The following CAMK1D variants were observed in gnomAD, a reference collection of about 807,000 sequenced individuals.
CAMK1D encodes calcium/calmodulin dependent protein kinase ID.
In CAMK1D, 9 loss-of-function variants were observed where a neutral mutation model predicts 47.7. That is an observed-to-expected ratio of 0.19 (90% CI 0.11 to 0.33). CAMK1D has a LOEUF of 0.33. CAMK1D is among the 10% of genes least tolerant of loss of function. The pLI is 1.00. For synonymous variants in CAMK1D, 184 were observed against 184.9 expected (o/e 0.99, Z 0.04); for missense variants, 291 against 488.7 (o/e 0.60, Z 3.81).
At chr10:12,673,452 G>T (rs1235254565) in intron 3 of CAMK1D, among the ~76,000 whole-genome samples, 1 of 152,012 alleles carries the variant, frequency 6.6e-6, no homozygotes, top group Non-Finnish European at 1.5e-5. Flanking sequence ...GCTGCTGCTA[G>T]CATATAAAAA....
At chr10:12,351,803 C>A (rs1223452747) in intron 1 of CAMK1D, among the ~76,000 whole-genome samples, 1 of 152,204 alleles carries the variant, frequency 6.6e-6, no homozygotes. Flanking sequence ...CAGCCATGTT[C>A]CCTGTGAGCT....
intron 1 of CAMK1D, among the ~76,000 whole-genome samples, chr10:12,367,709 C>G (rs1375862975): frequency 6.6e-6 from 1 of 152,036 alleles, no homozygotes; most frequent in East Asian, 1.9e-4. Context: ...TGATGAGACT[C>G]TAATGCCACC....
intron 2 of CAMK1D, among the ~76,000 whole-genome samples, chr10:12,555,522 G>A (rs1346281540): frequency 2.6e-5 from 4 of 152,232 alleles, no homozygotes; most frequent in Non-Finnish European, 4.4e-5. Context: ...GTATGGAAGA[G>A]AATCTGGGAA....
intron 2 of CAMK1D, among the ~76,000 whole-genome samples, chr10:12,569,635 C>T (rs1837256107): frequency 2.2e-5 from 3 of 138,428 alleles, no homozygotes; most frequent in South Asian, 4.6e-4. Context: ...AGGAGAATGG[C>T]GTGAACCCGG....
At chr10:12,368,151 C>T (rs1038890580) in intron 1 of CAMK1D, among the ~76,000 whole-genome samples, 3 of 151,078 alleles carry the variant, frequency 2.0e-5, no homozygotes, top group African/African-American at 7.3e-5. Flanking sequence ...GAGATTGCGC[C>T]ACTGCAGTCC....
intron 4 of CAMK1D, among the ~76,000 whole-genome samples, chr10:12,762,826 C>G (rs899127985): frequency 6.6e-5 from 10 of 152,222 alleles, no homozygotes; most frequent in Non-Finnish European, 4.4e-5. Flanking sequence ...CCTGGCACCT[C>G]TGCCAGGCCT....
intron 1 of CAMK1D, among the ~76,000 whole-genome samples, chr10:12,550,915 C>T (rs1836556005): frequency 6.6e-6 from 1 of 152,190 alleles, no homozygotes; most frequent in South Asian, 2.1e-4. Context: ...AAGTGAATTC[C>T]TCTCACTGGA....
At chr10:12,777,625 CGGCCTCCCAGA>C (rs1044091323) in intron 5 of CAMK1D, among the ~76,000 whole-genome samples, 8 of 152,248 alleles carry the variant, frequency 5.3e-5, no homozygotes, top group African/African-American at 1.9e-4. Flanking sequence ...CCACCTGTCT[CGGCCTCCCAGA>C]GTGCTGGGAT....
At chr10:12,379,941 G>A (rs1838292288) in intron 1 of CAMK1D, among the ~76,000 whole-genome samples, 2 of 151,906 alleles carry the variant, frequency 1.3e-5, no homozygotes, top group South Asian at 2.1e-4. Flanking sequence ...TTGGCCGGGC[G>A]CGGTGGCTCA....
chr10:12,420,233 G>A (rs1210857111), intron 1 of CAMK1D, among the ~76,000 whole-genome samples: 2 of 152,200 alleles, frequency 1.3e-5, no homozygotes, highest in Non-Finnish European at 2.9e-5. Context: ...GCTGGGATTA[G>A]AGGCGTGAGC....
intron 1 of CAMK1D, among the ~76,000 whole-genome samples, chr10:12,477,912 A>G (rs1221083602): frequency 2.0e-5 from 3 of 151,790 alleles, no homozygotes; most frequent in African/African-American, 7.3e-5. Context: ...TGTAGATGGG[A>G]TTCTTTCAGC....
At chr10:12,617,951 T>G (rs1463933002) in intron 2 of CAMK1D, among the ~76,000 whole-genome samples, 1 of 152,220 alleles carries the variant, frequency 6.6e-6, no homozygotes, top group African/African-American at 2.4e-5. Flanking sequence ...CTGTACTGAT[T>G]TTGCATTGTC....
rs547823783 is a variant in CAMK1D, at chr10:12,368,476, A to G, written c.92+18566A>G. Among the ~76,000 whole-genome samples the G allele has an allele frequency of 3.3e-5, 5 of 152,286 alleles. No individual in the cohort carries two copies. The East Asian group carries it at 9.6e-4, about 29-fold the overall frequency. The stretch of plus-strand genomic sequence containing the variant: ...AGGAGCATAGGCTTTGATTAGATTC[A>G]TGAAGTTCAAATCCTAACTGTGTCA... On this transcript the variant is annotated intron_variant, in intron 1 of 10. Coordinates refer to ENST00000619168, the MANE Select transcript of CAMK1D (RefSeq NM_153498.4).
chr10:12,548,979 C>G (rs1409140833), intron 1 of CAMK1D, among the ~76,000 whole-genome samples: 1 of 152,236 alleles, frequency 6.6e-6, no homozygotes, highest in Admixed American at 6.5e-5. Context: ...CCTCAGCCTG[C>G]TGAGTAGCTG....
At chr10:12,693,647 C>G (rs1166836440) in intron 3 of CAMK1D, among the ~76,000 whole-genome samples, 1 of 151,336 alleles carries the variant, frequency 6.6e-6, no homozygotes, top group East Asian at 2.0e-4. Context: ...AAAAAAGAAA[C>G]TCTGCCTGAG....
intron 2 of CAMK1D, among the ~76,000 whole-genome samples, chr10:12,593,259 T>C (rs988145362): frequency 6.6e-6 from 1 of 152,200 alleles, no homozygotes; most frequent in Non-Finnish European, 1.5e-5. Context: ...TATGATTACA[T>C]GATGATCAAT....
chr10:12,620,090 T>C (rs901637242), intron 2 of CAMK1D, among the ~76,000 whole-genome samples: 1 of 148,418 alleles, frequency 6.7e-6, no homozygotes, highest in African/African-American at 2.5e-5. Context: ...CATTCACCAG[T>C]TGAAGGACAC....
At chr10:12,462,747 A>G (rs1013291627) in intron 1 of CAMK1D, among the ~76,000 whole-genome samples, 3 of 152,024 alleles carry the variant, frequency 2.0e-5, no homozygotes, top group Admixed American at 6.5e-5. Flanking sequence ...GCTGGAGTGC[A>G]GTGGCACGGT....
At chr10:12,672,151 G>A (rs993656063) in intron 3 of CAMK1D, among the ~76,000 whole-genome samples, 3 of 151,420 alleles carry the variant, frequency 2.0e-5, no homozygotes, top group African/African-American at 7.3e-5. Flanking sequence ...TCCTGACCTC[G>A]TGATCTGCCT....
Sources: allele counts gnomAD v4.1 joint callset (sites outside exome capture counted in the v4.1 genomes callset), GRCh38; gene constraint gnomAD v4.1.1; transcripts MANE v1.5; gene names NCBI Gene and HGNC (gene_info 2026-07-23, HGNC 2026-07-21).